The following CA10 variants were observed in gnomAD, a reference collection of about 807,000 sequenced individuals.
CA10 encodes carbonic anhydrase 10 (inactive).
A neutral mutation model predicts 44.2 loss-of-function variants in CA10; 14 were observed. That is an observed-to-expected ratio of 0.32 (90% confidence interval 0.21 to 0.50). The LOEUF (loss-of-function observed/expected upper bound fraction) is 0.50, where lower values mean the gene tolerates loss of function less well. CA10 is among the 20% of genes least tolerant of loss of function. CA10 has a pLI of 0.99. For synonymous variants in CA10, 159 were observed against 141.6 expected (o/e 1.12, Z -0.87); for missense variants, 350 against 409.7 (o/e 0.85, Z 1.26).
At chr17:51,705,189 G>T (rs747315378) in intron 4 of CA10, among the ~76,000 whole-genome samples, 1 of 152,016 alleles carries the variant, frequency 6.6e-6, no homozygotes, top group Non-Finnish European at 1.5e-5. Context: ...CAAGGCTTCC[G>T]TGTGGCCCAC....
At chr17:51,960,811 T>C (rs1051791699) in intron 2 of CA10, among the ~76,000 whole-genome samples, 1 of 152,186 alleles carries the variant, frequency 6.6e-6, no homozygotes, top group Non-Finnish European at 1.5e-5. Flanking sequence ...TTAGAACATA[T>C]TCTGAACTAA....
Position 52,060,112 on chromosome 17 carries a change from G to A in CA10, c.136+12207C>T, listed in dbSNP as rs77143956. Among the ~76,000 whole-genome samples the A allele has an allele frequency of 2.7e-3, 418 of 152,076 alleles. 2 individuals carry two copies. Among genetic ancestry groups the A allele is most frequent in the African/African-American group, 9.6e-3 (397 of 41,498 alleles). On this transcript the variant is annotated intron_variant, in intron 2 of 8. Coordinates refer to ENST00000451037, the MANE Select transcript of CA10 (RefSeq NM_020178.5). ...TGAGACAAACACATGTTGATATCAC[G>A]TACCCTCTGATAGGATGTAATGCAA...
intron 4 of CA10, among the ~76,000 whole-genome samples, chr17:51,744,631 T>C (rs1485965126): frequency 6.6e-6 from 1 of 152,074 alleles, no homozygotes; most frequent in East Asian, 1.9e-4. Flanking sequence ...AATAAATAAA[T>C]AAATAAAATA....
At chr17:52,021,868 C>G (rs1004359430) in intron 2 of CA10, among the ~76,000 whole-genome samples, 1 of 152,002 alleles carries the variant, frequency 6.6e-6, no homozygotes, top group Non-Finnish European at 1.5e-5. Flanking sequence ...AATAGAAACC[C>G]TGAACAGAAC....
At chr17:51,884,163 C>T (rs1598099146) in intron 3 of CA10, among the ~76,000 whole-genome samples, 1 of 152,162 alleles carries the variant, frequency 6.6e-6, no homozygotes, top group South Asian at 2.1e-4. Flanking sequence ...TGGGTCAAGA[C>T]ACAGCCACCC....
chr17:51,632,009 G>A (rs887992849), intron 8 of CA10, among the ~76,000 whole-genome samples: 2 of 152,144 alleles, frequency 1.3e-5, no homozygotes, highest in Admixed American at 1.3e-4. Context: ...CACTGCTCTA[G>A]GCTAGGGATG....
At chr17:52,014,764 T>C (rs1030784364) in intron 2 of CA10, among the ~76,000 whole-genome samples, 6 of 151,970 alleles carry the variant, frequency 3.9e-5, no homozygotes, top group African/African-American at 7.2e-5. Context: ...GCAAATAATA[T>C]AAACTAAAAA....
chr17:51,774,584 C>T (rs552260746), intron 3 of CA10, among the ~76,000 whole-genome samples: 10 of 152,158 alleles, frequency 6.6e-5, no homozygotes, highest in South Asian at 4.2e-4. Flanking sequence ...GGACTACAGG[C>T]GCACACCACC....
chr17:51,639,948 T>C (rs1913013069), intron 6 of CA10, among the ~76,000 whole-genome samples: 2 of 152,220 alleles, frequency 1.3e-5, no homozygotes, highest in African/African-American at 2.4e-5. Context: ...GCATAAGGTG[T>C]GGTCCAGGTT....
At chr17:52,024,067 C>T (rs1358753973) in intron 2 of CA10, among the ~76,000 whole-genome samples, 4 of 152,110 alleles carry the variant, frequency 2.6e-5, no homozygotes, top group African/African-American at 9.7e-5. Context: ...CTACCTTATT[C>T]TGCACTTCCC....
chr17:51,820,420 C>CG (rs1907736651), intron 3 of CA10, among the ~76,000 whole-genome samples: 2 of 78,388 alleles, frequency 2.6e-5, no homozygotes, highest in Non-Finnish European at 5.4e-5. Context: ...CCCCCCCCCG[C>CG]CCGCCGATTT....
chr17:51,901,792 A>G (rs1981329109), intron 3 of CA10, among the ~76,000 whole-genome samples: 2 of 152,144 alleles, frequency 1.3e-5, no homozygotes. Context: ...GCTAACATTT[A>G]TTGATTCCTC....
At chr17:51,898,332 T>C (rs1981161722) in intron 3 of CA10, among the ~76,000 whole-genome samples, 1 of 152,170 alleles carries the variant, frequency 6.6e-6, no homozygotes, top group Non-Finnish European at 1.5e-5. Context: ...TTTTTAGTTC[T>C]GCTTATGTGA....
At chr17:51,887,203 CCA>C (rs1980644589) in intron 3 of CA10, among the ~76,000 whole-genome samples, 1 of 151,444 alleles carries the variant, frequency 6.6e-6, no homozygotes, top group African/African-American at 2.4e-5. Flanking sequence ...AAAAAAAAAC[CCA>C]CAAGTCTTTG....
chr17:51,820,414 C>CGG (rs919973833), intron 3 of CA10, among the ~76,000 whole-genome samples: 1,008 of 99,208 alleles, frequency 0.01, 139 homozygotes, highest in African/African-American at 0.04. Context: ...TACCCCCCCC[C>CGG]CCCCGCCCGC....
chr17:51,717,061 A>G (rs1349832170), intron 4 of CA10, among the ~76,000 whole-genome samples: 1 of 152,208 alleles, frequency 6.6e-6, no homozygotes, highest in Non-Finnish European at 1.5e-5. Context: ...CTCTGTCCCC[A>G]GTCCCTGGCA....
At chr17:52,130,588 G>A (rs1018498010) in intron 1 of CA10, among the ~76,000 whole-genome samples, 5 of 152,170 alleles carry the variant, frequency 3.3e-5, no homozygotes, top group South Asian at 2.1e-4. Flanking sequence ...TATGTGGAAC[G>A]TAATAAAGTT....
At chr17:51,938,749 T>C (rs1239340923) in intron 2 of CA10, among the ~76,000 whole-genome samples, 2 of 152,084 alleles carry the variant, frequency 1.3e-5, no homozygotes, top group Admixed American at 1.3e-4. Flanking sequence ...GGGAATTCTC[T>C]TTTGCTGATC....
At chr17:52,050,939 T>A (rs1304038983) in intron 2 of CA10, among the ~76,000 whole-genome samples, 1 of 151,434 alleles carries the variant, frequency 6.6e-6, no homozygotes, top group East Asian at 1.9e-4. Flanking sequence ...CCAGACCCTG[T>A]TTAGTGCCTG....
Sources: gnomAD v4.1 joint callset for allele counts (sites outside exome capture counted in the v4.1 genomes callset) on GRCh38, gnomAD v4.1.1 for gene constraint, MANE v1.5 for transcripts, NCBI Gene and HGNC (gene_info 2026-07-23, HGNC 2026-07-21) for gene names.